Variants in LINGO2 observed in about 807,000 individuals in gnomAD.
The protein encoded by LINGO2 is leucine-rich repeat and immunoglobulin-like domain-containing nogo receptor-interacting protein 2.
LINGO2 carries 14 observed loss-of-function variants against 30.6 expected under a neutral mutation model. The observed-to-expected ratio is 0.46, with a 90% CI of 0.30 to 0.72. The LOEUF (loss-of-function observed/expected upper bound fraction) is 0.72, where lower values mean the gene tolerates loss of function less well. Among genes scored for constraint, LINGO2 ranks in the 30% least tolerant of loss-of-function variants. LINGO2 has a pLI of 0.07. For synonymous variants in LINGO2, 317 were observed against 288.5 expected (o/e 1.10, Z -1.00); for missense variants, 729 against 751.7 (o/e 0.97, Z 0.35).
chr9:28,288,027 C>T (rs564289207), intron 4 of LINGO2, among the ~76,000 whole-genome samples: 63 of 152,308 alleles, frequency 4.1e-4, no homozygotes, highest in Non-Finnish European at 7.6e-4. Context: ...CTAGAAACCA[C>T]ACATTTCTGC....
upstream of LINGO2, among the ~76,000 whole-genome samples, chr9:28,671,087 C>G (rs1828990659): frequency 6.6e-6 from 1 of 152,050 alleles, no homozygotes; most frequent in Non-Finnish European, 1.5e-5. Context: ...TCCCATGTTT[C>G]CCATACACAA....
At chr9:28,028,583 A>AC (rs1225947034) in intron 4 of LINGO2, among the ~76,000 whole-genome samples, 3 of 152,024 alleles carry the variant, frequency 2.0e-5, no homozygotes, top group Non-Finnish European at 2.9e-5. Flanking sequence ...TGTTTCCAGG[A>AC]CCCCCATAGA....
At chr9:28,879,092 T>C in the LINGO2 span, among the ~76,000 whole-genome samples, 22 of 152,168 alleles carry the variant, frequency 1.4e-4, no homozygotes, top group African/African-American at 4.6e-4. Flanking sequence ...GAAAACCCCA[T>C]TGTCTCAGCC....
chr9:28,309,554 C>T (rs570173145), intron 3 of LINGO2, among the ~76,000 whole-genome samples: 1 of 151,032 alleles, frequency 6.6e-6, no homozygotes, highest in South Asian at 2.1e-4. Context: ...GCATGTTGTG[C>T]ACATGGACCC....
At chr9:29,066,202 C>T in the LINGO2 span, among the ~76,000 whole-genome samples, 1 of 151,728 alleles carries the variant, frequency 6.6e-6, no homozygotes, top group South Asian at 2.1e-4. Context: ...TGAATAGGAT[C>T]AGGAAAGAAA....
intron 4 of LINGO2, among the ~76,000 whole-genome samples, chr9:28,216,375 G>C (rs1347444347): frequency 6.6e-6 from 1 of 151,822 alleles, no homozygotes; most frequent in African/African-American, 2.4e-5. Context: ...CAATGATTCT[G>C]GGAGGAGTGG....
At chr9:28,518,872 C>A (rs1381809272) in intron 1 of LINGO2, among the ~76,000 whole-genome samples, 3 of 152,092 alleles carry the variant, frequency 2.0e-5, no homozygotes, top group Non-Finnish European at 4.4e-5. Context: ...AGCCGGAAAC[C>A]TAGAGAGAAA....
chr9:28,506,507 T>TAGATAG (rs879496260), intron 1 of LINGO2, among the ~76,000 whole-genome samples: 4,364 of 38,750 alleles, frequency 0.11, 595 homozygotes, highest in East Asian at 0.12. Flanking sequence ...CACACAGACA[T>TAGATAG]ATATATATAT....
In LINGO2 at chr9:28,345,591, T is replaced by A. The variant is rs147505789; in HGVS notation, c.-246+27245A>T. ...ACTCAAGTTTAATCCCTCTAAAATT[T>A]CATCACAACATGGGCCTTTTGAAGG... On this transcript the variant is annotated intron_variant, in intron 3 of 5. Coordinates refer to ENST00000379992, the Ensembl canonical transcript of LINGO2. Among the ~76,000 whole-genome samples the A allele has an allele frequency of 9.9e-3, 1,511 of 152,278 alleles. 26 individuals are homozygous for A. Among genetic ancestry groups the A allele is most frequent in the African/African-American group, 0.034 (1,434 of 41,576 alleles).
the LINGO2 span, among the ~76,000 whole-genome samples, chr9:28,751,891 G>A: frequency 3.9e-5 from 6 of 152,012 alleles, no homozygotes; most frequent in South Asian, 1.2e-3. Flanking sequence ...CTACTGTTTT[G>A]CCATGAATAA....
At chr9:28,852,903 T>C in the LINGO2 span, among the ~76,000 whole-genome samples, 1 of 152,024 alleles carries the variant, frequency 6.6e-6, no homozygotes, top group Non-Finnish European at 1.5e-5. Flanking sequence ...ATAATGTTCC[T>C]CATTTATAAA....
chr9:28,624,123 G>T (rs916934831), intron 1 of LINGO2, among the ~76,000 whole-genome samples: 2 of 151,968 alleles, frequency 1.3e-5, no homozygotes, highest in South Asian at 2.1e-4. Context: ...CTACAAACAA[G>T]GATAATTTGA....
chr9:28,349,047 G>GA (rs1220969080), intron 3 of LINGO2, among the ~76,000 whole-genome samples: 3 of 151,282 alleles, frequency 2.0e-5, no homozygotes, highest in Non-Finnish European at 3.0e-5. Context: ...CAAAGATGGG[G>GA]AAAAAACAGA....
At chr9:28,189,289 GAGGAAGGA>G (rs779746664) in intron 4 of LINGO2, among the ~76,000 whole-genome samples, 2,280 of 17,224 alleles carry the variant, frequency 0.13, 445 homozygotes, top group East Asian at 0.23. Flanking sequence ...GGGAGGGAGG[GAGGAAGGA>G]AGGAAGGGAG....
chr9:29,120,034 C>T, the LINGO2 span, among the ~76,000 whole-genome samples: 2 of 152,056 alleles, frequency 1.3e-5, no homozygotes, highest in African/African-American at 4.8e-5. Flanking sequence ...ACTGATTGAA[C>T]CAGGTTGGAG....
the LINGO2 span, among the ~76,000 whole-genome samples, chr9:28,797,365 G>T: frequency 3.4e-3 from 383 of 113,162 alleles, no homozygotes; most frequent in Admixed American, 5.6e-3. Flanking sequence ...TATATAGAGA[G>T]AGAGAGAGAG....
chr9:28,043,117 T>C (rs937411937), intron 4 of LINGO2, among the ~76,000 whole-genome samples: 1 of 152,236 alleles, frequency 6.6e-6, no homozygotes, highest in Non-Finnish European at 1.5e-5. Context: ...CTGCAGGGCA[T>C]CCTGGCTGCA....
intron 1 of LINGO2, among the ~76,000 whole-genome samples, chr9:28,531,104 A>G (rs1361540794): frequency 6.7e-6 from 1 of 150,082 alleles, no homozygotes; most frequent in Middle Eastern, 3.4e-3. Context: ...GGCATCTTAT[A>G]CTTTATCTGG....
At chr9:28,963,817 G>A in the LINGO2 span, among the ~76,000 whole-genome samples, 107 of 151,706 alleles carry the variant, frequency 7.1e-4, no homozygotes, top group Non-Finnish European at 1.2e-3. Context: ...TTGGTTAATG[G>A]GTACAAACAT....
Sources: allele counts gnomAD v4.1 joint callset (sites outside exome capture counted in the v4.1 genomes callset), GRCh38; gene constraint gnomAD v4.1.1; transcripts MANE v1.5; gene names NCBI Gene and HGNC (gene_info 2026-07-23, HGNC 2026-07-21).